Variants in SCCPDH observed in about 807,000 individuals in gnomAD.
SCCPDH encodes saccharopine dehydrogenase (putative).
SCCPDH carries 34 observed loss-of-function variants against 51.5 expected under a neutral mutation model. The observed-to-expected ratio is 0.66, with a 90% CI of 0.50 to 0.88. The LOEUF (loss-of-function observed/expected upper bound fraction) is 0.88. Among genes scored for constraint, SCCPDH ranks in the 40% least tolerant of loss-of-function variants. SCCPDH has a pLI of 0.00. For synonymous variants in SCCPDH, 187 were observed against 191.3 expected, an observed-to-expected ratio of 0.98 and a Z score of 0.19; for missense variants, 464 against 527.1, an observed-to-expected ratio of 0.88 and a Z score of 1.17.
At chr1:246,759,210 A>G in intron 7 of SCCPDH, 59 bp downstream of exon 7, 1 of 940,486 alleles carries the variant, frequency 1.1e-6, no homozygotes, top group Non-Finnish European at 1.7e-6. Context: ...CTTTCTATTC[A>G]GTGTGGGATA....
At chr1:246,748,513 C>T (rs555149489) in intron 5 of SCCPDH, among the ~76,000 whole-genome samples, 1 of 152,306 alleles carries the variant, frequency 6.6e-6, no homozygotes, top group African/African-American at 2.4e-5. Flanking sequence ...TTTTCCCAAG[C>T]CATCTGGCTA....
chr1:246,736,569 C>T (rs1001965017), intron 3 of SCCPDH, among the ~76,000 whole-genome samples: 1 of 151,960 alleles, frequency 6.6e-6, no homozygotes, highest in Non-Finnish European at 1.5e-5. Context: ...GGCATGGTGG[C>T]GGGCACCTGT....
At chr1:246,725,278 A>C (rs7518231) in intron 1 of SCCPDH, among the ~76,000 whole-genome samples, 3 of 112,164 alleles carry the variant, frequency 2.7e-5, no homozygotes, top group Admixed American at 9.6e-5. Flanking sequence ...TTTATTGATA[A>C]TCTAAGCATT....
At chr1:246,762,723 C>T (rs1478610881) in intron 9 of SCCPDH, among the ~76,000 whole-genome samples, 2 of 151,810 alleles carry the variant, frequency 1.3e-5, no homozygotes, top group African/African-American at 4.8e-5. Context: ...CGCCTGTAGT[C>T]CCAGCTACTC....
rs184978242 is a variant in SCCPDH at position 246,735,555 on chromosome 1, G to A, written c.304-420G>A. ...CAGTTTATCTTTTTGTTTCTGAGAC[G>A]GAGTCTCACTCTGTCGCCCAGGCTG... On this transcript the variant is annotated intron_variant, in intron 2 of 11. Coordinates refer to ENST00000366510, the MANE Select transcript of SCCPDH (RefSeq NM_016002.3). Among the ~76,000 whole-genome samples, 380 of 152,188 alleles carry A rather than the reference G, an allele frequency of 2.5e-3. 3 individuals carry two copies. The highest frequency in any genetic ancestry group is 3.6e-3 in the Non-Finnish European group (246 of 68,006).
rs1406494985 is a variant in SCCPDH, at chr1:246,729,251, A to C, written c.303+2247A>C. Among the ~76,000 whole-genome samples the C allele has an allele frequency of 2.0e-5, 3 of 152,172 alleles. No individual in the cohort carries two copies. The East Asian group carries it at 5.8e-4, about 29-fold the overall frequency. On this transcript the variant is annotated intron_variant, in intron 2 of 11. Transcript: ENST00000366510. Reference sequence around the variant, plus strand: ...ATTGATAAACATCTTAACAGGAAACAGGGTACGAGAGCAGACAACCAGTTT... The same window carrying C: ...ATTGATAAACATCTTAACAGGAAACCGGGTACGAGAGCAGACAACCAGTTT...
intron 9 of SCCPDH, among the ~76,000 whole-genome samples, chr1:246,760,828 C>T (rs376409094): frequency 6.6e-6 from 1 of 152,202 alleles, no homozygotes; most frequent in African/African-American, 2.4e-5. Context: ...CCCGTTTCCC[C>T]CTCTGTGGAA....
At chr1:246,736,517 C>T (rs766308794) in intron 3 of SCCPDH, among the ~76,000 whole-genome samples, 21 of 152,018 alleles carry the variant, frequency 1.4e-4, no homozygotes, top group South Asian at 4.2e-4. Flanking sequence ...CTGGCCAACA[C>T]GGTGAAACCC....
chr1:246,755,787 TC>T (rs1466779077), intron 5 of SCCPDH: 1 of 153,930 alleles, frequency 6.5e-6, no homozygotes, highest in Non-Finnish European at 1.5e-5. Context: ...GTTCTGGAGA[TC>T]CTGCTGACGG....
chr1:246,759,743 A>G (rs1441603526), intron 7 of SCCPDH, among the ~76,000 whole-genome samples: 1 of 152,236 alleles, frequency 6.6e-6, no homozygotes, highest in Non-Finnish European at 1.5e-5. Context: ...GTAGACTATC[A>G]TACTTCCTGT....
chr1:246,728,386 C>G (rs1370233051), intron 2 of SCCPDH, among the ~76,000 whole-genome samples: 1 of 152,148 alleles, frequency 6.6e-6, no homozygotes, highest in African/African-American at 2.4e-5. Context: ...CATCTATCTC[C>G]CTTGCCTTTT....
chr1:246,725,081 C>T (rs1471729133), intron 1 of SCCPDH, among the ~76,000 whole-genome samples: 1 of 152,132 alleles, frequency 6.6e-6, no homozygotes, highest in Non-Finnish European at 1.5e-5. Flanking sequence ...AGCAAGCTTA[C>T]GAGTTGTACT....
chr1:246,745,511 C>T (rs1031448626), intron 5 of SCCPDH, among the ~76,000 whole-genome samples: 2 of 151,990 alleles, frequency 1.3e-5, no homozygotes, highest in Non-Finnish European at 2.9e-5. Context: ...CTAAGAATGG[C>T]GAATACATCT....
chr1:246,738,839 C>T lies in SCCPDH; in HGVS notation c.385-1333C>T, dbSNP rs572774463. 9.9e-5 allele frequency among the ~76,000 whole-genome samples: 15 copies of T among 152,172 alleles called. No homozygotes were observed. The South Asian group carries it at 1.5e-3, about 15-fold the overall frequency. On this transcript the variant is annotated intron_variant, in intron 3 of 11. Coordinates refer to ENST00000366510, the MANE Select transcript of SCCPDH (RefSeq NM_016002.3). ...TCGCACTCCAGCCCGGGCAACAGTG[C>T]GAGACTCCGTCTCAAAACAAAACAA...
chr1:246,727,179 A>G (rs571633892), intron 2 of SCCPDH, among the ~76,000 whole-genome samples, 175 bp downstream of exon 2: 2 of 152,314 alleles, frequency 1.3e-5, no homozygotes, highest in East Asian at 3.9e-4. Context: ...CTCCTGAGAG[A>G]GTGAGTGACA....
chr1:246,746,892 G>A (rs1189995519), intron 5 of SCCPDH, among the ~76,000 whole-genome samples: 1 of 152,210 alleles, frequency 6.6e-6, no homozygotes, highest in African/African-American at 2.4e-5. Flanking sequence ...ATGCGCCATA[G>A]AGGCCTTATT....
chr1:246,764,174 T>C, intron 9 of SCCPDH, 72 bp from the exon 10 acceptor site: 1 of 856,112 alleles, frequency 1.2e-6, no homozygotes, highest in Non-Finnish European at 2.0e-6. Flanking sequence ...TGAAATAGAA[T>C]AGTCGGTTTT....
rs1221176610 is a variant in SCCPDH at position 246,724,430 on chromosome 1, C to T, written c.8C>T (p.Thr3Ile). 4 of 1,574,046 alleles carry T rather than the reference C, an allele frequency of 2.5e-6. No individual in the cohort carries two copies. The highest frequency in any genetic ancestry group is 3.4e-6 in the Non-Finnish European group (4 of 1,163,572). The change falls in exon 1 of 12, where the codon ACC becomes ATC. Residue 3 changes from threonine (T) to isoleucine (I), a missense_variant. Coordinates refer to ENST00000366510, the MANE Select transcript of SCCPDH (RefSeq NM_016002.3). Reference sequence around the variant, plus strand: ...GCTCGCTGTGGACTCGTCATGGCGACCGAGCAGAGGCCTTTCCACCTGGTG... The same window carrying T: ...GCTCGCTGTGGACTCGTCATGGCGATCGAGCAGAGGCCTTTCCACCTGGTG... MA[T>I]EQRPFHLVVF...
intron 9 of SCCPDH, among the ~76,000 whole-genome samples, chr1:246,763,015 C>T (rs527893654): frequency 8.6e-5 from 13 of 152,020 alleles, no homozygotes; most frequent in Admixed American, 3.9e-4. Context: ...GACTCTGGTT[C>T]GGTTGGTCTG....
Sources: allele counts gnomAD v4.1 joint callset (sites outside exome capture counted in the v4.1 genomes callset), GRCh38; gene constraint gnomAD v4.1.1; transcripts MANE v1.5; gene names NCBI Gene and HGNC (gene_info 2026-07-23, HGNC 2026-07-21).